The following SAMD5 variants were observed in gnomAD, a reference collection of about 807,000 sequenced individuals.
SAMD5 encodes the protein sterile alpha motif domain containing 5.
Under a neutral mutation model 11.3 loss-of-function variants are expected in SAMD5, and 13 were observed. The ratio of observed to expected loss-of-function variants is 1.15; its 90% CI spans 0.75 to 1.83. The LOEUF (loss-of-function observed/expected upper bound fraction) is 1.83. Among genes scored for constraint, SAMD5 ranks in the 40% most tolerant of loss-of-function variants. The probability of loss-of-function intolerance (pLI) is 0.00; values close to 1 mark genes in which losing one functional copy is unlikely to be tolerated. For missense variants in SAMD5, 255 were observed against 239.1 expected (o/e 1.07, Z -0.44); for synonymous variants, 129 against 111.3 (o/e 1.16, Z -1.00).
chr6:147,599,308 T>G lies in SAMD5; in HGVS notation c.162+89921T>G, dbSNP rs371944873. On this transcript the variant is annotated intron_variant, in intron 1 of 1. Coordinates refer to the SAMD5 transcript ENST00000566741. ...ACAAACAGGGCTAAGAGCTTTGTAT[T>G]TTCAGACTGGACAATGTTGTGATAA... Among the ~76,000 whole-genome samples the G allele has an allele frequency of 1.4e-3, 219 of 152,316 alleles. 2 individuals carry two copies. The South Asian group carries it at 0.021, about 15-fold the overall frequency.
the SAMD5 span, among the ~76,000 whole-genome samples, chr6:147,878,357 C>T: frequency 4.6e-5 from 7 of 151,726 alleles, no homozygotes; most frequent in East Asian, 3.9e-4. Flanking sequence ...ATCAAGACAA[C>T]GCTTACCCCT....
At chr6:147,946,766 C>A in the SAMD5 span, among the ~76,000 whole-genome samples, 1 of 152,242 alleles carries the variant, frequency 6.6e-6, no homozygotes, top group Non-Finnish European at 1.5e-5. Context: ...AACTAATTAG[C>A]AACTGAAATT....
the SAMD5 span, among the ~76,000 whole-genome samples, chr6:147,788,911 A>G: frequency 2.2e-4 from 34 of 151,678 alleles, no homozygotes; most frequent in Non-Finnish European, 5.0e-4. Flanking sequence ...GTGAAACCCC[A>G]TCTTTACTAA....
the SAMD5 span, among the ~76,000 whole-genome samples, chr6:147,830,264 T>C: frequency 9.5e-3 from 1,350 of 141,592 alleles, 12 homozygotes; most frequent in Middle Eastern, 0.056. Flanking sequence ...TTTTTTTTTT[T>C]TTTTTTTTTT....
At chr6:147,746,823 G>A in the SAMD5 span, among the ~76,000 whole-genome samples, 1 of 152,172 alleles carries the variant, frequency 6.6e-6, no homozygotes, top group South Asian at 2.1e-4. Context: ...CGTAAAGCAG[G>A]GGTCACTAGG....
chr6:147,738,126 T>C (rs991500941), downstream of SAMD5, among the ~76,000 whole-genome samples: 4 of 152,172 alleles, frequency 2.6e-5, no homozygotes, highest in Non-Finnish European at 5.9e-5. Flanking sequence ...GCCGGGCTTC[T>C]GCCTCAAAGA....
At chr6:147,638,347 A>G (rs1423003774) in intron 1 of SAMD5, among the ~76,000 whole-genome samples, 1 of 152,218 alleles carries the variant, frequency 6.6e-6, no homozygotes, top group Non-Finnish European at 1.5e-5. Context: ...CAAAGACTTC[A>G]AAGAAATTTA....
the SAMD5 span, among the ~76,000 whole-genome samples, chr6:147,767,325 A>G: frequency 6.6e-6 from 1 of 152,088 alleles, no homozygotes; most frequent in Non-Finnish European, 1.5e-5. Context: ...TGCAGTTACA[A>G]CAAAAATCTC....
intron 1 of SAMD5, among the ~76,000 whole-genome samples, chr6:147,633,582 A>C (rs1034591968): frequency 2.0e-5 from 3 of 152,152 alleles, no homozygotes; most frequent in Non-Finnish European, 4.4e-5. Flanking sequence ...TACTGGTATT[A>C]GCGTGGAAGT....
the SAMD5 span, among the ~76,000 whole-genome samples, chr6:147,916,977 T>A: frequency 1.3e-5 from 2 of 149,156 alleles, no homozygotes; most frequent in Admixed American, 1.3e-4. Context: ...TTGGGTTGGT[T>A]CCAAGTCTTT....
At chr6:147,777,509 A>T in the SAMD5 span, among the ~76,000 whole-genome samples, 2 of 141,872 alleles carry the variant, frequency 1.4e-5, no homozygotes, top group South Asian at 2.2e-4. Context: ...TCTCTTTTTT[A>T]AAAAAGTTGT....
chr6:147,690,099 CATGTT>C (rs1791079077), intron 1 of SAMD5, among the ~76,000 whole-genome samples: 2 of 152,010 alleles, frequency 1.3e-5, no homozygotes, highest in Non-Finnish European at 2.9e-5. Flanking sequence ...TTGTTGGAGA[CATGTT>C]ATAAGTAAAT....
At chr6:147,736,950 T>C (rs558266508) in intron 1 of SAMD5, among the ~76,000 whole-genome samples, 1 of 152,248 alleles carries the variant, frequency 6.6e-6, no homozygotes, top group South Asian at 2.1e-4. Context: ...ATACCAGCCT[T>C]ATTTGGGTTT....
chr6:147,871,083 T>C, the SAMD5 span, among the ~76,000 whole-genome samples: 1 of 152,184 alleles, frequency 6.6e-6, no homozygotes, highest in Non-Finnish European at 1.5e-5. Context: ...CTTGCTTCAT[T>C]AGAAAACAAA....
intron 1 of SAMD5, among the ~76,000 whole-genome samples, chr6:147,607,360 C>T (rs1470556866): frequency 1.3e-5 from 2 of 152,054 alleles, no homozygotes; most frequent in Non-Finnish European, 2.9e-5. Flanking sequence ...CCACAAAAGA[C>T]CTAGGACCAA....
the SAMD5 span, among the ~76,000 whole-genome samples, chr6:147,819,164 C>T: frequency 6.6e-6 from 1 of 152,162 alleles, no homozygotes; most frequent in Non-Finnish European, 1.5e-5. Context: ...GGAATGAGAT[C>T]ACGTCCTTCT....
At chr6:147,771,065 CT>C in the SAMD5 span, among the ~76,000 whole-genome samples, 9 of 152,270 alleles carry the variant, frequency 5.9e-5, no homozygotes, top group South Asian at 6.2e-4. Flanking sequence ...ATCTTGCTAA[CT>C]TTTTTTCATG....
At chr6:147,933,916 A>G in the SAMD5 span, among the ~76,000 whole-genome samples, 1 of 152,184 alleles carries the variant, frequency 6.6e-6, no homozygotes, top group Non-Finnish European at 1.5e-5. Context: ...TTTCATAGTG[A>G]GATCATTCAC....
chr6:147,719,891 G>T (rs1411114355), intron 1 of SAMD5, among the ~76,000 whole-genome samples: 1 of 152,188 alleles, frequency 6.6e-6, no homozygotes, highest in Non-Finnish European at 1.5e-5. Context: ...AAGTTTGAGA[G>T]AAATGAATAA....
Sources: allele counts gnomAD v4.1 joint callset (sites outside exome capture counted in the v4.1 genomes callset), GRCh38; gene constraint gnomAD v4.1.1; transcripts MANE v1.5; gene names NCBI Gene and HGNC (gene_info 2026-07-23, HGNC 2026-07-21).